The following KCNN3 variants were observed in gnomAD, a reference collection of about 807,000 sequenced individuals.
KCNN3 encodes potassium calcium-activated channel subfamily N member 3, also known as small conductance calcium-activated potassium channel protein 3.
In KCNN3, 16 loss-of-function variants were observed where a neutral mutation model predicts 62.9. That is an observed-to-expected ratio of 0.25 (90% confidence interval 0.17 to 0.39). KCNN3 has a LOEUF of 0.39. KCNN3 is among the 10% of genes least tolerant of loss of function. The pLI is 1.00. For synonymous variants in KCNN3, 370 were observed against 389.2 expected, an observed-to-expected ratio of 0.95 and a Z score of 0.58; for missense variants, 599 against 949.4, an observed-to-expected ratio of 0.63 and a Z score of 4.85.
chr1:154,722,549 G>A lies in KCNN3; in HGVS notation c.1701+3367C>T, dbSNP rs547676371. Among the ~76,000 whole-genome samples, 128 of 149,004 alleles carry A rather than the reference G, an allele frequency of 8.6e-4. 1 individual carries two copies. The highest frequency in any genetic ancestry group is 3.0e-3 in the African/African-American group (122 of 40,422). ...GCTACAGGCACGTGCCACTACGCCC[G>A]GCTAATTTTTTTGGATTTTTTTTTA... On this transcript the variant is annotated intron_variant, in intron 5 of 7. Transcript: ENST00000271915.
At chr1:154,714,288 G>GGT (rs1700163650) in intron 6 of KCNN3, among the ~76,000 whole-genome samples, 1 of 103,234 alleles carries the variant, frequency 9.7e-6, no homozygotes, top group Non-Finnish European at 2.0e-5. Flanking sequence ...TGTGGTGTGT[G>GGT]GTGTGTATGG....
chr1:154,708,323 A>C (rs368160455), intron 7 of KCNN3, 51 bp from the exon 8 acceptor site: 1 of 1,578,692 alleles, frequency 6.3e-7, no homozygotes, highest in African/African-American at 1.3e-5. Flanking sequence ...GTCATCACAG[A>C]GGAATCTGCA....
chr1:154,742,477 A>G (rs777072885), intron 3 of KCNN3, among the ~76,000 whole-genome samples: 7 of 152,226 alleles, frequency 4.6e-5, no homozygotes, highest in Non-Finnish European at 8.8e-5. Context: ...ACCACCTCAC[A>G]GAGAGTTACT....
rs549858752 is a variant in KCNN3, at chr1:154,721,669, G to A, written c.1701+4247C>T. On this transcript the variant is annotated intron_variant, in intron 5 of 7. Coordinates refer to ENST00000271915, the MANE Select transcript of KCNN3 (RefSeq NM_002249.6). ...GCCACCAGAGGTTAGGGATGGAGGT[G>A]AGGACCACCTCTTACCCATCTTGGT... is the stretch of plus-strand genomic sequence containing the variant. Among the ~76,000 whole-genome samples the A allele has an allele frequency of 1.5e-3, 234 of 152,136 alleles. 1 individual carries two copies. Among genetic ancestry groups the A allele is most frequent in the African/African-American group, 5.2e-3 (214 of 41,488 alleles).
At chr1:154,736,903 A>G (rs758957082) in intron 3 of KCNN3, 30 of 641,144 alleles carry the variant, frequency 4.7e-5, no homozygotes, top group African/African-American at 8.9e-5. Context: ...AGATCTTGAG[A>G]GTGTCCTTCG....
chr1:154,738,542 A>T (rs1305243831), intron 3 of KCNN3, among the ~76,000 whole-genome samples: 1 of 152,222 alleles, frequency 6.6e-6, no homozygotes, highest in African/African-American at 2.4e-5. Context: ...AAGGAGGAAG[A>T]CAAGGAATAA....
intron 2 of KCNN3, among the ~76,000 whole-genome samples, chr1:154,774,107 A>T (rs1465450414): frequency 6.6e-6 from 1 of 152,232 alleles, no homozygotes; most frequent in Non-Finnish European, 1.5e-5. Context: ...GTGAGGCTGC[A>T]GTGGGTTCGT....
At chr1:154,827,397 C>T (rs189983876) in intron 1 of KCNN3, among the ~76,000 whole-genome samples, 202 of 152,310 alleles carry the variant, frequency 1.3e-3, no homozygotes, top group African/African-American at 4.7e-3. Context: ...CCCTGGCCTT[C>T]CTCATTCCTC....
rs1553231995 is a variant in KCNN3, at chr1:154,766,416, T to TTAAATATATATATA, written c.1448+5558_1448+5559insTATATATATATTTA. Among the ~76,000 whole-genome samples, 233 of 71,794 alleles carry TTAAATATATATATA rather than the reference T, an allele frequency of 3.2e-3. 28 individuals are homozygous for TTAAATATATATATA. The highest frequency in any genetic ancestry group is 0.012 in the Middle Eastern group (1 of 82). The allele number at this position is 71,794 out of a possible 152,430, so 47.1% of individuals were successfully genotyped here. A position where few individuals can be genotyped will look rare whatever the true frequency, so the allele number is the denominator to read the frequency against. On this transcript the variant is annotated intron_variant, in intron 3 of 7. Transcript: ENST00000271915. Reference sequence around the variant, plus strand: ...CCATTTATTAAATACTAGCCAGGCTTTATATATATATATATATATATATAT... The same window carrying TTAAATATATATATA: ...CCATTTATTAAATACTAGCCAGGCTTTAAATATATATATATATATATATATATATATATATATAT...
chr1:154,737,018 G>A (rs1324714145), intron 3 of KCNN3: 5 of 701,836 alleles, frequency 7.1e-6, no homozygotes, highest in Non-Finnish European at 1.3e-5. Flanking sequence ...GCTTCGTCAT[G>A]GAGATAAGAC....
chr1:154,836,900 T>A (rs1571323970), intron 1 of KCNN3, among the ~76,000 whole-genome samples: 7 of 152,132 alleles, frequency 4.6e-5, no homozygotes, highest in Admixed American at 4.6e-4. Flanking sequence ...AGGCACTCAA[T>A]AAATACTTGA....
rs143001560 is a variant in KCNN3 at position 154,757,276 on chromosome 1, GC to G, written c.1448+14698del. Among the ~76,000 whole-genome samples the G allele has an allele frequency of 2.3e-3, 350 of 152,306 alleles. 1 individual carries two copies. Among genetic ancestry groups the G allele is most frequent in the African/African-American group, 7.9e-3 (327 of 41,556 alleles). On this transcript the variant is annotated intron_variant, in intron 3 of 7. Transcript: ENST00000271915. ...TAAGGCAGAGAGAAATGGACTTCAG[GC>G]CAGCCCTCAACTCCCTTGCTAAAGC...
chr1:154,834,018 G>A (rs752456370), intron 1 of KCNN3, among the ~76,000 whole-genome samples: 65 of 152,368 alleles, frequency 4.3e-4, no homozygotes, highest in African/African-American at 1.4e-3. Context: ...CAGCACAGCC[G>A]TGAGTTTCCT....
At chr1:154,842,018 C>G (rs1231614137) in intron 1 of KCNN3, among the ~76,000 whole-genome samples, 2 of 152,250 alleles carry the variant, frequency 1.3e-5, no homozygotes, top group African/African-American at 4.8e-5. Flanking sequence ...GGATGGCACA[C>G]AGCCTGGAGA....
At position 154,817,878 on chromosome 1, in the gene KCNN3, T is replaced by C. The variant is rs1055994659; in HGVS notation, c.1029+4211A>G. On this transcript the variant is annotated intron_variant, in intron 2 of 7. Transcript: ENST00000271915. ...ACCAATGACTGCACTTGGTGGGTCATCAAGGGCAAAGGAGGAGAGGATACT... is the reference window on the plus strand; with the variant it reads ...ACCAATGACTGCACTTGGTGGGTCACCAAGGGCAAAGGAGGAGAGGATACT... 3.3e-5 allele frequency among the ~76,000 whole-genome samples: 5 copies of C among 152,138 alleles called. No individual in the cohort carries two copies. In the South Asian group the frequency reaches 6.2e-4, roughly 19 times the overall value.
chr1:154,714,606 GTGT>G (rs1388546389), intron 6 of KCNN3, among the ~76,000 whole-genome samples: 3 of 28,224 alleles, frequency 1.1e-4, no homozygotes, highest in Non-Finnish European at 1.6e-4. Context: ...GTGATGTGTG[GTGT>G]GTGGTGTGTG....
intron 2 of KCNN3, among the ~76,000 whole-genome samples, chr1:154,795,550 A>G (rs892627931): frequency 7.2e-5 from 11 of 152,238 alleles, no homozygotes; most frequent in African/African-American, 2.7e-4. Context: ...CAGATGCTGT[A>G]TAAGGCATGG....
chr1:154,778,611 CT>C (rs11459390), intron 2 of KCNN3, among the ~76,000 whole-genome samples: 2,333 of 73,606 alleles, frequency 0.032, 22 homozygotes, highest in African/African-American at 0.11. Context: ...CTCTCTGTCT[CT>C]TTTTTTTTTT....
chr1:154,740,663 T>C (rs1019147180), intron 3 of KCNN3, among the ~76,000 whole-genome samples: 1 of 152,280 alleles, frequency 6.6e-6, no homozygotes, highest in African/African-American at 2.4e-5. Flanking sequence ...TGCCATTGTC[T>C]GACTTTAATC....
Sources: gnomAD v4.1 joint callset for allele counts (sites outside exome capture counted in the v4.1 genomes callset) on GRCh38, gnomAD v4.1.1 for gene constraint, MANE v1.5 for transcripts, NCBI Gene and HGNC (gene_info 2026-07-23, HGNC 2026-07-21) for gene names.